TRAM2: variants seen among roughly 807,000 people sequenced by gnomAD.
TRAM2 encodes translocation associated membrane protein 2.
A neutral mutation model predicts 51.0 loss-of-function variants in TRAM2; 12 were observed. That is an observed-to-expected ratio of 0.24 (90% CI 0.15 to 0.38). The LOEUF is 0.38. Ranked by LOEUF, TRAM2 falls within the 10% of genes least tolerant of loss-of-function variation. TRAM2 has a pLI of 1.00. For synonymous variants in TRAM2, 175 were observed against 179.4 expected, an observed-to-expected ratio of 0.98 and a Z score of 0.20; for missense variants, 361 against 462.0, an observed-to-expected ratio of 0.78 and a Z score of 2.00.
intron 7 of TRAM2, among the ~76,000 whole-genome samples, chr6:52,506,515 G>C (rs1424733842): frequency 1.3e-5 from 2 of 152,202 alleles, no homozygotes; most frequent in African/African-American, 4.8e-5. Context: ...AAATGTTCCT[G>C]TTGTCTGACT....
chr6:52,503,161 CCCA>C lies in TRAM2; in HGVS notation c.*33_*35del, dbSNP rs1766269527. On this transcript the variant is annotated 3_prime_UTR_variant, in exon 11 of 11. Transcript: ENST00000182527. ...TGGGCTCCTTGCCCCCTGCTCGGCC[CCCA>C]CCAAGAGGATTCCTGTTCTTAGCAC... 6.3e-7 allele frequency: 1 copy of C among 1,586,308 alleles called. No individual in the cohort carries two copies. The highest frequency in any genetic ancestry group is 1.4e-5 in the African/African-American group (1 of 74,000).
At chr6:52,522,555 C>T (rs1035731777) in intron 2 of TRAM2, among the ~76,000 whole-genome samples, 34 of 152,224 alleles carry the variant, frequency 2.2e-4, no homozygotes, top group African/African-American at 8.0e-4. Context: ...ACCCCTGATA[C>T]CTTTCCAACA....
chr6:52,541,354 C>T (rs1343345673), intron 1 of TRAM2, among the ~76,000 whole-genome samples: 1 of 152,178 alleles, frequency 6.6e-6, no homozygotes, highest in Non-Finnish European at 1.5e-5. Context: ...CTAATCATGT[C>T]CCCATTTCAC....
chr6:52,549,114 G>C lies in TRAM2; in HGVS notation c.121-13268C>G, dbSNP rs111865659. 7.2e-3 allele frequency among the ~76,000 whole-genome samples: 1,092 copies of C among 152,260 alleles called. 13 individuals carry two copies. The highest frequency in any genetic ancestry group is 0.024 in the African/African-American group (1,011 of 41,560). ...CTTAGGATAGTCATAACGGCTTTACGGGGGCTGTCCACCGTGTGGTCCAAC... is the reference window on the plus strand; with the variant it reads ...CTTAGGATAGTCATAACGGCTTTACCGGGGCTGTCCACCGTGTGGTCCAAC... On this transcript the variant is annotated intron_variant, in intron 1 of 10. Transcript: ENST00000182527.
chr6:52,535,627 G>C (rs1227257223), intron 2 of TRAM2, among the ~76,000 whole-genome samples, 156 bp downstream of exon 2: 1 of 152,172 alleles, frequency 6.6e-6, no homozygotes, highest in East Asian at 1.9e-4. Context: ...GTTGCAGTGA[G>C]CCAAGATTGT....
At chr6:52,518,287 G>A (rs2114071904) in intron 2 of TRAM2, among the ~76,000 whole-genome samples, 1 of 152,282 alleles carries the variant, frequency 6.6e-6, no homozygotes, top group Middle Eastern at 3.4e-3. Context: ...GCCAGAGAAA[G>A]CAGCATCCAC....
At chr6:52,554,784 T>TA (rs1358054929) in intron 1 of TRAM2, among the ~76,000 whole-genome samples, 5 of 150,362 alleles carry the variant, frequency 3.3e-5, no homozygotes, top group Non-Finnish European at 7.4e-5. Flanking sequence ...TTTTTTTTTT[T>TA]AACAGAGGGT....
intron 2 of TRAM2, chr6:52,523,073 A>G: frequency 1.9e-6 from 1 of 539,918 alleles, no homozygotes; most frequent in Non-Finnish European, 3.2e-6. Context: ...TTTTGTCTGA[A>G]AGCTAGTTGT....
chr6:52,508,224 G>A lies in TRAM2; in HGVS notation c.555+10C>T, dbSNP rs540470411. 8.7e-6 allele frequency: 14 copies of A among 1,613,254 alleles called. No individual in the cohort carries two copies. The highest frequency in any genetic ancestry group is 1.2e-5 in the Non-Finnish European group (14 of 1,179,592). On this transcript the variant is annotated intron_variant, in intron 6 of 10. Transcript: ENST00000182527. ...ATGGCCTCCAAGAAGGGAGAGAAGTGAGCACTCACCTTCCGTACCTTCTGG... is the reference window on the plus strand; with the variant it reads ...ATGGCCTCCAAGAAGGGAGAGAAGTAAGCACTCACCTTCCGTACCTTCTGG...
intron 1 of TRAM2, among the ~76,000 whole-genome samples, chr6:52,571,096 A>G (rs1349815574): frequency 6.6e-6 from 1 of 152,068 alleles, no homozygotes; most frequent in Non-Finnish European, 1.5e-5. Flanking sequence ...TTTAACCATT[A>G]GGTACCAATG....
chr6:52,569,494 T>C (rs931306930), intron 1 of TRAM2, among the ~76,000 whole-genome samples: 1 of 151,778 alleles, frequency 6.6e-6, no homozygotes, highest in African/African-American at 2.4e-5. Flanking sequence ...CAATAACGTA[T>C]GTATAAGGGT....
At chr6:52,528,978 C>T (rs1415148035) in intron 2 of TRAM2, among the ~76,000 whole-genome samples, 1 of 151,740 alleles carries the variant, frequency 6.6e-6, no homozygotes, top group Non-Finnish European at 1.5e-5. Flanking sequence ...GCAACCTCCG[C>T]CTCCTGGGTT....
At chr6:52,551,037 C>T (rs1031957764) in intron 1 of TRAM2, among the ~76,000 whole-genome samples, 2 of 152,176 alleles carry the variant, frequency 1.3e-5, no homozygotes, top group Non-Finnish European at 2.9e-5. Context: ...TTAGGCATGA[C>T]ACCCTGGGAC....
intron 1 of TRAM2, among the ~76,000 whole-genome samples, chr6:52,556,931 A>C (rs962847055): frequency 1.3e-5 from 2 of 150,286 alleles, no homozygotes; most frequent in African/African-American, 4.9e-5. Context: ...CCATCTCAAA[A>C]AAAAAAAAAA....
At chr6:52,509,309 G>C (rs879092565) in intron 5 of TRAM2, among the ~76,000 whole-genome samples, 2 of 152,246 alleles carry the variant, frequency 1.3e-5, no homozygotes, top group South Asian at 4.1e-4. Flanking sequence ...GGACCTCTGT[G>C]ATGGGAGCCA....
chr6:52,509,597 CAAG>C lies in TRAM2; in HGVS notation c.412-14_412-12del. The C allele has an allele frequency of 6.2e-7, 1 of 1,613,700 alleles. No homozygotes were observed. The highest frequency in any genetic ancestry group is 8.5e-7 in the Non-Finnish European group (1 of 1,179,794). ...TGTTAAGTATCCTTCCTGCAGTGGGCAAGAAGAGAGACCATTTAGAGATGTGGA... is the reference window on the plus strand; with the variant it reads ...TGTTAAGTATCCTTCCTGCAGTGGGCAAGAGAGACCATTTAGAGATGTGGA... On this transcript the variant is annotated splice_polypyrimidine_tract_variant and intron_variant, in intron 4 of 10. Transcript: ENST00000182527.
chr6:52,542,276 T>TA (rs66882373), intron 1 of TRAM2, among the ~76,000 whole-genome samples: 138 of 147,774 alleles, frequency 9.3e-4, no homozygotes, highest in East Asian at 8.7e-3. Context: ...TTTTTTTTTT[T>TA]AAAAAAAATA....
At position 52,499,908 on chromosome 6, in the gene TRAM2, G is replaced by C. The variant is rs1766172997; in HGVS notation, c.*3289C>G. On this transcript the variant is annotated 3_prime_UTR_variant, in exon 11 of 11. Coordinates refer to ENST00000182527, the MANE Select transcript of TRAM2 (RefSeq NM_012288.4). ...GCTCAGCCTGCTCCCCTCTCACCCA[G>C]AACCATCCCCTACCTTCAAAAGGAA... 1 of 152,200 alleles carries C rather than the reference G, an allele frequency of 6.6e-6. No individual in the cohort carries two copies. The highest frequency in any genetic ancestry group is 1.5e-5 in the Non-Finnish European group (1 of 68,090). 9.4% of individuals were successfully genotyped at this position (152,200 alleles called of 1,614,324 possible).
intron 2 of TRAM2, among the ~76,000 whole-genome samples, chr6:52,525,654 A>C (rs1184639783): frequency 1.3e-5 from 2 of 152,140 alleles, no homozygotes; most frequent in Non-Finnish European, 2.9e-5. Flanking sequence ...CTAAAAATAC[A>C]AAAATTAGCT....
Sources: allele counts gnomAD v4.1 joint callset (sites outside exome capture counted in the v4.1 genomes callset), GRCh38; gene constraint gnomAD v4.1.1; transcripts MANE v1.5; gene names NCBI Gene and HGNC (gene_info 2026-07-23, HGNC 2026-07-21).